The following PPP1R12A variants were observed in gnomAD, a reference collection of about 807,000 sequenced individuals.
PPP1R12A encodes protein phosphatase 1 regulatory subunit 12A, also known as myosin binding subunit.
A neutral mutation model predicts 139.6 loss-of-function variants in PPP1R12A; 19 were observed. That is an observed-to-expected ratio of 0.14 (90% CI 0.09 to 0.20). The LOEUF (loss-of-function observed/expected upper bound fraction) is 0.20, where lower values mean the gene tolerates loss of function less well. Ranked by LOEUF, PPP1R12A falls within the 10% of genes least tolerant of loss-of-function variation. PPP1R12A has a pLI of 1.00. For synonymous variants in PPP1R12A, 427 were observed against 420.6 expected (o/e 1.02, Z -0.19); for missense variants, 925 against 1,211.5 (o/e 0.76, Z 3.51).
chr12:79,893,947 A>G (rs1478677174), intron 1 of PPP1R12A, among the ~76,000 whole-genome samples: 1 of 152,146 alleles, frequency 6.6e-6, no homozygotes, highest in Admixed American at 6.6e-5. Context: ...CTGCTCCTGA[A>G]TGTTCACCTC....
At chr12:79,852,677 C>T (rs1880195379) in intron 2 of PPP1R12A, among the ~76,000 whole-genome samples, 1 of 152,152 alleles carries the variant, frequency 6.6e-6, no homozygotes. Flanking sequence ...TCCATTTACA[C>T]TACAGATGGG....
Position 79,860,528 on chromosome 12 carries a change from C to T in PPP1R12A, c.368+12280G>A, listed in dbSNP as rs79663310. ...GTGAAAAAAGCAAAGTGGAGAAATA[C>T]GTGTGTGATATTCTATCATTTATTA... is the stretch of plus-strand genomic sequence containing the variant. On this transcript the variant is annotated intron_variant, in intron 2 of 24. Coordinates refer to ENST00000450142, the MANE Select transcript of PPP1R12A (RefSeq NM_002480.3). Among the ~76,000 whole-genome samples the T allele has an allele frequency of 1.2e-3, 176 of 152,168 alleles. 2 individuals are homozygous for T. In the East Asian group the frequency reaches 0.02, roughly 17 times the overall value.
intron 1 of PPP1R12A, among the ~76,000 whole-genome samples, chr12:79,929,307 C>G (rs1355753197): frequency 6.6e-6 from 1 of 152,164 alleles, no homozygotes; most frequent in Non-Finnish European, 1.5e-5. Flanking sequence ...GGTCGTGGAT[C>G]GACCTGTCCA....
At chr12:79,899,122 G>A (rs1885391621) in intron 1 of PPP1R12A, among the ~76,000 whole-genome samples, 1 of 148,250 alleles carries the variant, frequency 6.7e-6, no homozygotes, top group Admixed American at 6.9e-5. Flanking sequence ...TAAAACTGTA[G>A]AGTACATGTC....
At chr12:79,919,859 AATAT>A (rs1887304503) in intron 1 of PPP1R12A, among the ~76,000 whole-genome samples, 1 of 152,188 alleles carries the variant, frequency 6.6e-6, no homozygotes, top group Non-Finnish European at 1.5e-5. Context: ...AACACTGATA[AATAT>A]ATACGTTCAC....
intron 19 of PPP1R12A, among the ~76,000 whole-genome samples, chr12:79,791,459 T>C (rs1871845926): frequency 6.6e-6 from 1 of 152,160 alleles, no homozygotes; most frequent in Non-Finnish European, 1.5e-5. Context: ...CCTAGTTAGC[T>C]GGGACTACAG....
At chr12:79,811,124 C>T (rs1874473547) in intron 9 of PPP1R12A, among the ~76,000 whole-genome samples, 1 of 152,116 alleles carries the variant, frequency 6.6e-6, no homozygotes, top group African/African-American at 2.4e-5. Flanking sequence ...TAACTAGTTG[C>T]CACAAGCATA....
chr12:79,797,697 G>C (rs140314375), intron 15 of PPP1R12A, among the ~76,000 whole-genome samples: 4 of 151,942 alleles, frequency 2.6e-5, no homozygotes, highest in Non-Finnish European at 4.4e-5. Flanking sequence ...ATATATGTCT[G>C]TGTGTGTGTA....
Position 79,850,688 on chromosome 12 carries a change from T to C in PPP1R12A, c.369-5268A>G, listed in dbSNP as rs530667823. Among the ~76,000 whole-genome samples, 140 of 152,334 alleles carry C rather than the reference T, an allele frequency of 9.2e-4. 2 individuals are homozygous for C. The highest frequency in any genetic ancestry group is 1.7e-3 in the Admixed American group (26 of 15,296). ...TGATACTGAATTGCATTTCTTAGTG[T>C]TGCAGCTGGGGCCTGGTGGGAGGTG... is the stretch of plus-strand genomic sequence containing the variant. On this transcript the variant is annotated intron_variant, in intron 2 of 24. Coordinates refer to ENST00000450142, the MANE Select transcript of PPP1R12A (RefSeq NM_002480.3).
At chr12:79,899,233 AATATATATAT>A (rs58319454) in intron 1 of PPP1R12A, among the ~76,000 whole-genome samples, 211 of 141,882 alleles carry the variant, frequency 1.5e-3, no homozygotes, top group South Asian at 4.2e-3. Flanking sequence ...AGATCTTAAA[AATATATATAT>A]ATATATATAT....
intron 10 of PPP1R12A, among the ~76,000 whole-genome samples, 183 bp from the exon 11 acceptor site, chr12:79,808,760 T>C (rs1295051626): frequency 6.6e-6 from 1 of 152,182 alleles, no homozygotes; most frequent in Non-Finnish European, 1.5e-5. Context: ...CTGTTCAAAT[T>C]AGTTTTCTTT....
intron 1 of PPP1R12A, among the ~76,000 whole-genome samples, chr12:79,875,317 G>T (rs1882995438): frequency 6.6e-6 from 1 of 152,182 alleles, no homozygotes; most frequent in Non-Finnish European, 1.5e-5. Context: ...GCCCAAGAAT[G>T]TAAAGTCTGT....
intron 1 of PPP1R12A, among the ~76,000 whole-genome samples, chr12:79,892,219 AAG>A (rs1267557469): frequency 1.3e-5 from 2 of 152,184 alleles, no homozygotes; most frequent in Non-Finnish European, 2.9e-5. Flanking sequence ...GTCATCAAGT[AAG>A]AGTTACCTAA....
intron 1 of PPP1R12A, among the ~76,000 whole-genome samples, chr12:79,931,060 A>G: frequency 6.6e-6 from 1 of 152,234 alleles, no homozygotes; most frequent in East Asian, 1.9e-4. Flanking sequence ...CTGACGATGT[A>G]AAATTGTCTT....
chr12:79,794,153 T>TTA (rs1387194454), intron 18 of PPP1R12A, among the ~76,000 whole-genome samples: 1 of 152,008 alleles, frequency 6.6e-6, no homozygotes, highest in Non-Finnish European at 1.5e-5. Context: ...CATTATACTA[T>TTA]TATGTTACTT....
At chr12:79,779,450 G>C (rs919960335) in intron 23 of PPP1R12A, 33 of 903,354 alleles carry the variant, frequency 3.7e-5, no homozygotes, top group Admixed American at 4.7e-5. Context: ...ATTTAGTCAA[G>C]CAGTACATTT....
At chr12:79,781,904 A>C in intron 22 of PPP1R12A, 42 bp from the exon 23 acceptor site, 1 of 1,266,456 alleles carries the variant, frequency 7.9e-7, no homozygotes. Context: ...AAGTGCAAAA[A>C]AGTTCAGGGG....
At chr12:79,920,479 T>G (rs898623799) in intron 1 of PPP1R12A, among the ~76,000 whole-genome samples, 3 of 152,158 alleles carry the variant, frequency 2.0e-5, no homozygotes, top group Admixed American at 2.0e-4. Flanking sequence ...CCACCAGCAG[T>G]GCATGAGGGT....
At chr12:79,868,186 C>T (rs1028492745) in intron 2 of PPP1R12A, among the ~76,000 whole-genome samples, 1 of 152,166 alleles carries the variant, frequency 6.6e-6, no homozygotes, top group Admixed American at 6.5e-5. Context: ...ATGCTTTGCA[C>T]ACAGTAATTC....
Sources: gnomAD v4.1 joint callset for allele counts (sites outside exome capture counted in the v4.1 genomes callset) on GRCh38, gnomAD v4.1.1 for gene constraint, MANE v1.5 for transcripts, NCBI Gene and HGNC (gene_info 2026-07-23, HGNC 2026-07-21) for gene names.